Variants in ARB2A observed in about 807,000 individuals in gnomAD.
ARB2A encodes the protein cotranscriptional regulator ARB2A.
the ARB2A span, among the ~76,000 whole-genome samples, chr5:93,649,912 G>A: frequency 2.0e-5 from 3 of 152,054 alleles, no homozygotes; most frequent in East Asian, 5.8e-4. Flanking sequence ...AAGGTAATCA[G>A]CCACTAGATG....
the ARB2A span, among the ~76,000 whole-genome samples, chr5:93,955,329 T>C: frequency 6.6e-6 from 1 of 152,254 alleles, no homozygotes; most frequent in Non-Finnish European, 1.5e-5. Context: ...ATTATTTTTA[T>C]GTGTGTTTAT....
At chr5:93,967,283 A>G in the ARB2A span, among the ~76,000 whole-genome samples, 4 of 152,160 alleles carry the variant, frequency 2.6e-5, no homozygotes, top group East Asian at 5.8e-4. Flanking sequence ...TTTCATTCTA[A>G]TAAGAAACAG....
chr5:93,823,094 G>T, the ARB2A span, among the ~76,000 whole-genome samples: 1 of 152,126 alleles, frequency 6.6e-6, no homozygotes, highest in Non-Finnish European at 1.5e-5. Flanking sequence ...TGTCCACTTA[G>T]ATCTATTTGG....
the ARB2A span, among the ~76,000 whole-genome samples, chr5:93,712,262 C>A: frequency 3.6e-4 from 54 of 151,932 alleles, no homozygotes; most frequent in Middle Eastern, 3.2e-3. Context: ...CAAAACAAAA[C>A]AAAAAACCCA....
the ARB2A span, among the ~76,000 whole-genome samples, chr5:93,972,185 G>A: frequency 1.3e-5 from 2 of 152,002 alleles, no homozygotes; most frequent in Admixed American, 1.3e-4. Context: ...CTTCTCCATT[G>A]CCTCTGCTCC....
chr5:93,805,527 T>C, the ARB2A span: 1 of 985,186 alleles, frequency 1.0e-6, no homozygotes, highest in Non-Finnish European at 1.2e-6. Context: ...GAGTATGACC[T>C]GAGCAGTAAT....
At chr5:94,031,085 G>A in the ARB2A span, among the ~76,000 whole-genome samples, 1 of 152,170 alleles carries the variant, frequency 6.6e-6, no homozygotes, top group South Asian at 2.1e-4. Flanking sequence ...TAGAAAACTG[G>A]TACTGGGTAG....
the ARB2A span, among the ~76,000 whole-genome samples, chr5:93,716,431 G>A: frequency 1.3e-5 from 2 of 151,944 alleles, no homozygotes; most frequent in Non-Finnish European, 2.9e-5. Context: ...TACTTTGCTT[G>A]AAATACAGAA....
the ARB2A span, among the ~76,000 whole-genome samples, chr5:94,102,608 A>G: frequency 1.3e-4 from 20 of 152,274 alleles, no homozygotes; most frequent in Admixed American, 2.6e-4. Flanking sequence ...ATTAAAAATT[A>G]TGAAAATTTC....
the ARB2A span, among the ~76,000 whole-genome samples, chr5:94,017,669 C>T: frequency 1.3e-5 from 2 of 152,086 alleles, no homozygotes; most frequent in African/African-American, 4.8e-5. Context: ...ACAGAGAATA[C>T]CTGATGGATA....
the ARB2A span, among the ~76,000 whole-genome samples, chr5:93,956,727 G>A: frequency 0.013 from 1,882 of 149,948 alleles, 40 homozygotes; most frequent in African/African-American, 0.044. Flanking sequence ...CTGTTTATTA[G>A]TCTTCCTCTG....
the ARB2A span, chr5:93,881,539 C>T: frequency 2.4e-5 from 39 of 1,610,790 alleles, no homozygotes; most frequent in Non-Finnish European, 2.9e-5. Context: ...AATCACGTCG[C>T]TTCTTTGTTT....
At chr5:93,992,164 A>C in the ARB2A span, among the ~76,000 whole-genome samples, 2 of 152,218 alleles carry the variant, frequency 1.3e-5, no homozygotes, top group African/African-American at 4.8e-5. Flanking sequence ...CTCTACATAC[A>C]TTCAAATTAT....
At chr5:94,019,071 A>T in the ARB2A span, among the ~76,000 whole-genome samples, 1 of 152,094 alleles carries the variant, frequency 6.6e-6, no homozygotes, top group Non-Finnish European at 1.5e-5. Flanking sequence ...AAATGATTCC[A>T]TATTTAATAC....
chr5:94,023,541 T>C, the ARB2A span, among the ~76,000 whole-genome samples: 1 of 152,210 alleles, frequency 6.6e-6, no homozygotes, highest in African/African-American at 2.4e-5. Flanking sequence ...CCACCTCTGC[T>C]TTGGAACCTG....
At chr5:93,827,447 GT>G in the ARB2A span, among the ~76,000 whole-genome samples, 1 of 151,970 alleles carries the variant, frequency 6.6e-6, no homozygotes, top group African/African-American at 2.4e-5. Context: ...GGGGTTGTTT[GT>G]TTTTTTCTTG....
At chr5:93,769,215 G>C in the ARB2A span, among the ~76,000 whole-genome samples, 2 of 152,120 alleles carry the variant, frequency 1.3e-5, no homozygotes, top group East Asian at 3.9e-4. Flanking sequence ...GAAACTTTTA[G>C]TCAAAAGATC....
the ARB2A span, among the ~76,000 whole-genome samples, chr5:93,977,742 CAACAAA>C: frequency 6.6e-6 from 1 of 152,022 alleles, no homozygotes; most frequent in Non-Finnish European, 1.5e-5. Flanking sequence ...AAAGCAAATG[CAACAAA>C]AACAAAAATT....
At chr5:93,976,344 C>G in the ARB2A span, among the ~76,000 whole-genome samples, 6 of 152,210 alleles carry the variant, frequency 3.9e-5, no homozygotes, top group Non-Finnish European at 5.9e-5. Flanking sequence ...AGTATTCCCC[C>G]TAAGAAGATA....
Sources: allele counts gnomAD v4.1 joint callset (sites outside exome capture counted in the v4.1 genomes callset), GRCh38; gene constraint gnomAD v4.1.1; transcripts MANE v1.5; gene names NCBI Gene and HGNC (gene_info 2026-07-23, HGNC 2026-07-21).